Variants in GPHN observed in about 807,000 individuals in gnomAD.
GPHN encodes the protein gephyrin.
A neutral mutation model predicts 95.5 loss-of-function variants in GPHN; 17 were observed. That is an observed-to-expected ratio of 0.18 (90% CI 0.12 to 0.27). The LOEUF (loss-of-function observed/expected upper bound fraction) is 0.27, where lower values mean the gene tolerates loss of function less well. GPHN is among the 10% of genes least tolerant of loss of function. The probability of loss-of-function intolerance (pLI) is 1.00; values close to 1 mark genes in which losing one functional copy is unlikely to be tolerated. For missense variants in GPHN, 660 were observed against 978.1 expected (o/e 0.67, Z 4.34); for synonymous variants, 320 against 322.5 (o/e 0.99, Z 0.08).
chr14:67,162,873 A>T (rs894951791), intron 19 of GPHN, among the ~76,000 whole-genome samples: 50 of 152,354 alleles, frequency 3.3e-4, no homozygotes, highest in Middle Eastern at 6.8e-3. Context: ...TCCACTTAGT[A>T]GCTGAGTGAC....
intron 11 of GPHN, among the ~76,000 whole-genome samples, chr14:67,081,809 T>A (rs937416154): frequency 3.9e-5 from 6 of 152,220 alleles, no homozygotes; most frequent in African/African-American, 1.4e-4. Flanking sequence ...TTCATTCTTC[T>A]ACATGTGACT....
In GPHN at chr14:66,883,285, CT is replaced by C. The variant is rs1295432587; in HGVS notation, c.389+3254del. 2.6e-5 allele frequency among the ~76,000 whole-genome samples: 4 copies of C among 151,936 alleles called. No individual in the cohort carries two copies. The East Asian group carries it at 7.7e-4, about 29-fold the overall frequency. The stretch of plus-strand genomic sequence containing the variant: ...TTAGCTGACTTTTCCCCTCTTTCAT[CT>C]TCATTCTGCCTTTGAGAATATCTAG... On this transcript the variant is annotated intron_variant, in intron 5 of 22. Coordinates refer to ENST00000478722, the MANE Select transcript of GPHN (RefSeq NM_020806.5).
intron 1 of GPHN, among the ~76,000 whole-genome samples, chr14:66,614,216 C>T (rs2062902237): frequency 6.6e-6 from 1 of 152,050 alleles, no homozygotes; most frequent in Non-Finnish European, 1.5e-5. Flanking sequence ...TAATTTGGGT[C>T]TCTCAACAAA....
chr14:67,134,905 CCTTT>C (rs1182660123), intron 17 of GPHN, among the ~76,000 whole-genome samples: 2 of 119,734 alleles, frequency 1.7e-5, no homozygotes, highest in African/African-American at 6.2e-5. Flanking sequence ...CTTTATCTTT[CCTTT>C]CTCTCTCTTT....
chr14:67,602,388 C>T, the GPHN span, among the ~76,000 whole-genome samples: 2 of 152,310 alleles, frequency 1.3e-5, no homozygotes, highest in African/African-American at 4.8e-5. Context: ...TACAATTTGA[C>T]ATGAGATTTG....
chr14:67,286,855 CAA>C, the GPHN span, among the ~76,000 whole-genome samples: 16 of 67,172 alleles, frequency 2.4e-4, no homozygotes, highest in Non-Finnish European at 2.7e-4. Flanking sequence ...GACCTGGTCT[CAA>C]AAAAAAAAAA....
At chr14:67,323,585 G>T in the GPHN span, 1 of 272,538 alleles carries the variant, frequency 3.7e-6, no homozygotes, top group Non-Finnish European at 6.7e-6. Context: ...CTGCACTCTA[G>T]CCTAGGCAAC....
intron 1 of GPHN, among the ~76,000 whole-genome samples, chr14:66,582,158 A>G (rs1595072604): frequency 6.6e-6 from 1 of 152,090 alleles, no homozygotes; most frequent in Admixed American, 6.6e-5. Flanking sequence ...CAACAAATTT[A>G]AGAAGATTGA....
chr14:67,686,274 CATA>C, the GPHN span: 1 of 152,304 alleles, frequency 6.6e-6, no homozygotes, highest in Non-Finnish European at 1.5e-5. Context: ...TGGGAATAAT[CATA>C]ATACTTACAA....
intron 2 of GPHN, among the ~76,000 whole-genome samples, chr14:66,727,062 G>A (rs1343479375): frequency 6.6e-6 from 1 of 152,116 alleles, no homozygotes. Flanking sequence ...TTGAATCATG[G>A]TGGCTGGTCT....
intron 17 of GPHN, among the ~76,000 whole-genome samples, chr14:67,129,756 T>TAGAA (rs755911480): frequency 1.4e-3 from 156 of 112,094 alleles, no homozygotes; most frequent in African/African-American, 6.8e-3. Flanking sequence ...CATCATTGAC[T>TAGAA]AGAAAGAAAG....
rs1489429273 is a variant in GPHN, at chr14:67,078,064, G to A, written c.1145-10919G>A. On this transcript the variant is annotated intron_variant, in intron 11 of 22. Transcript: ENST00000478722. ...ACAGAATTTATGCAATACAATATGT[G>A]GAAGAAAGTAGAACAGAATAAACAT... Among the ~76,000 whole-genome samples, 9 of 152,242 alleles carry A rather than the reference G, an allele frequency of 5.9e-5. No homozygotes were observed. The East Asian group carries it at 9.6e-4, about 16-fold the overall frequency.
intron 8 of GPHN, among the ~76,000 whole-genome samples, chr14:66,955,921 T>C (rs544485313): frequency 4.8e-4 from 73 of 152,280 alleles, no homozygotes; most frequent in African/African-American, 1.7e-3. Context: ...TTCCATGGTG[T>C]ATATGTGCCA....
At chr14:67,311,180 G>A in the GPHN span, among the ~76,000 whole-genome samples, 3 of 152,124 alleles carry the variant, frequency 2.0e-5, no homozygotes, top group Middle Eastern at 3.4e-3. Flanking sequence ...GCGTTGTGGT[G>A]AGTGCCTGTA....
chr14:66,624,992 G>A (rs1357578716), intron 1 of GPHN, among the ~76,000 whole-genome samples: 3 of 152,136 alleles, frequency 2.0e-5, no homozygotes, highest in African/African-American at 7.2e-5. Flanking sequence ...TAGAGTAAGT[G>A]CCTGTTTTTA....
intron 11 of GPHN, among the ~76,000 whole-genome samples, chr14:67,080,832 C>T (rs1247255951): frequency 6.6e-6 from 1 of 152,154 alleles, no homozygotes; most frequent in Non-Finnish European, 1.5e-5. Context: ...TGGCTTAGCT[C>T]CCACTTATAA....
At chr14:66,527,687 A>T (rs2058747954) in intron 1 of GPHN, among the ~76,000 whole-genome samples, 1 of 152,130 alleles carries the variant, frequency 6.6e-6, no homozygotes, top group African/African-American at 2.4e-5. Flanking sequence ...CATTGGTTTC[A>T]AGGAACTTAT....
At chr14:67,637,323 G>A in the GPHN span, among the ~76,000 whole-genome samples, 44 of 145,852 alleles carry the variant, frequency 3.0e-4, no homozygotes, top group African/African-American at 1.1e-3. Flanking sequence ...AGGCAGCAGA[G>A]CCCCTTGAAC....
intron 10 of GPHN, among the ~76,000 whole-genome samples, chr14:67,038,451 A>C (rs755480905): frequency 5.3e-5 from 8 of 152,138 alleles, no homozygotes; most frequent in Non-Finnish European, 1.0e-4. Context: ...AGGGTTACAA[A>C]ATGTATATAG....
Sources: gnomAD v4.1 joint callset for allele counts (sites outside exome capture counted in the v4.1 genomes callset) on GRCh38, gnomAD v4.1.1 for gene constraint, MANE v1.5 for transcripts, NCBI Gene and HGNC (gene_info 2026-07-23, HGNC 2026-07-21) for gene names.